Variants in NHP2 observed in about 807,000 individuals in gnomAD.
The protein encoded by NHP2 is NHP2 ribonucleoprotein, also known as H/ACA ribonucleoprotein complex subunit 2.
A neutral mutation model predicts 16.7 loss-of-function variants in NHP2; 10 were observed. That is an observed-to-expected ratio of 0.60 (90% CI 0.37 to 1.01). NHP2 has a LOEUF of 1.01. NHP2 is among the 50% of genes least tolerant of loss of function. NHP2 has a pLI of 0.01. For missense variants in NHP2, 184 were observed against 198.3 expected (o/e 0.93, Z 0.43); for synonymous variants, 87 against 78.9 (o/e 1.10, Z -0.54).
rs564622783 is a variant in NHP2, at chr5:178,153,070, A to G, written c.230+421T>C. On this transcript the variant is annotated intron_variant, in intron 2 of 3. Coordinates refer to ENST00000274606, the MANE Select transcript of NHP2 (RefSeq NM_017838.4). ...ACCACCGCACTCCAACCTGGGTGAG[A>G]GCTAGACCCATCTCAAAAACAAACA... Among the ~76,000 whole-genome samples, 5 of 152,352 alleles carry G rather than the reference A, an allele frequency of 3.3e-5. No homozygotes were observed. In the East Asian group the frequency reaches 9.6e-4, roughly 29 times the overall value.
chr5:178,153,260 AG>A (rs1209252815), intron 2 of NHP2: 3 of 615,722 alleles, frequency 4.9e-6, no homozygotes, highest in Non-Finnish European at 8.9e-6. Context: ...GTTTACTCTA[AG>A]GGACTTTGCT....
chr5:178,153,614 T>C (rs1404106951), intron 1 of NHP2, 44 bp downstream of exon 1: 5 of 1,606,948 alleles, frequency 3.1e-6, no homozygotes, highest in Non-Finnish European at 4.3e-6. Flanking sequence ...CGCGCACCCA[T>C]CCCACCCGCG....
chr5:178,149,955 A>G (rs2113463907), intron 3 of NHP2, 117 bp from the exon 4 acceptor site: 2 of 1,133,402 alleles, frequency 1.8e-6, no homozygotes, highest in East Asian at 2.4e-5. Context: ...TGTTCGGTCC[A>G]TGTTCTATTT....
intron 3 of NHP2, chr5:178,150,300 A>G: frequency 4.5e-6 from 1 of 223,430 alleles, no homozygotes; most frequent in South Asian, 6.0e-5. Flanking sequence ...CATCAGGCCA[A>G]ACGGTAAGTT....
At chr5:178,151,875 G>A (rs1255184373) in intron 2 of NHP2, among the ~76,000 whole-genome samples, 4 of 151,948 alleles carry the variant, frequency 2.6e-5, no homozygotes, top group East Asian at 1.9e-4. Flanking sequence ...GGTGTGGGGC[G>A]GGGTGGAAGT....
chr5:178,152,235 C>T (rs1302396545), intron 2 of NHP2, among the ~76,000 whole-genome samples: 1 of 152,116 alleles, frequency 6.6e-6, no homozygotes, highest in Non-Finnish European at 1.5e-5. Flanking sequence ...TGGCTTTAAC[C>T]CCTAATAGCC....
chr5:178,149,892 AG>A, intron 3 of NHP2, 54 bp from the exon 4 acceptor site: 1 of 1,599,666 alleles, frequency 6.3e-7, no homozygotes, highest in South Asian at 1.1e-5. Context: ...CCTGTATGCC[AG>A]GAAGTCACCA....
chr5:178,153,131 G>T, intron 2 of NHP2: 1 of 386,440 alleles, frequency 2.6e-6, no homozygotes. Context: ...ATACAGAGCC[G>T]GAGAGGGGTC....
chr5:178,150,146 A>G (rs1031049734), intron 3 of NHP2: 2 of 299,298 alleles, frequency 6.7e-6, no homozygotes, highest in East Asian at 1.7e-4. Context: ...GTTACGTAAG[A>G]TAAGGACAGC....
intron 2 of NHP2, among the ~76,000 whole-genome samples, chr5:178,151,340 T>G (rs1236035274): frequency 6.6e-6 from 1 of 151,840 alleles, no homozygotes; most frequent in Non-Finnish European, 1.5e-5. Flanking sequence ...GGTGTGAGAA[T>G]CAGAACGGCA....
rs190607330 is a variant in NHP2, at chr5:178,149,913, C to T, written c.337-75G>A. The T allele has an allele frequency of 7.4e-4, 1,129 of 1,535,072 alleles. 1 individual carries two copies. The highest frequency in any genetic ancestry group is 9.2e-4 in the Non-Finnish European group (1,033 of 1,118,942). The stretch of plus-strand genomic sequence containing the variant: ...TGCCAGGAAGTCACCAACTGATGAC[C>T]CACCAGCCTAATCTGGCCCACAACC... On this transcript the variant is annotated intron_variant, in intron 3 of 3. Transcript: ENST00000274606.
At chr5:178,149,960 C>G (rs1756223505) in intron 3 of NHP2, 122 bp from the exon 4 acceptor site, 1 of 1,093,574 alleles carries the variant, frequency 9.1e-7, no homozygotes, top group Non-Finnish European at 1.3e-6. Flanking sequence ...GGTCCATGTT[C>G]TATTTAAAAG....
intron 3 of NHP2, 117 bp downstream of exon 3, chr5:178,150,771 C>G: frequency 3.8e-6 from 3 of 789,254 alleles, no homozygotes; most frequent in Non-Finnish European, 7.0e-6. Context: ...AGCTGAGAAT[C>G]CATCCAGGCC....
At position 178,153,759 on chromosome 5, in the gene NHP2, C is replaced by T; in HGVS notation, c.59G>A (p.Gly20Glu). The T allele has an allele frequency of 6.2e-7, 1 of 1,613,112 alleles. No homozygotes were observed. Among genetic ancestry groups the T allele is most frequent in the Non-Finnish European group, 8.5e-7 (1 of 1,179,538 alleles). The change falls in exon 1 of 4, where the codon GGG becomes GAG. Residue 20 changes from glycine (G) to glutamate (E), a missense_variant. Gly to Glu is a moderately conservative substitution (Grantham distance 98, BLOSUM62 -2). Coordinates refer to ENST00000274606, the MANE Select transcript of NHP2 (RefSeq NM_017838.4). ...CAGCAGCTCCTGGTAGGTGCGCTCC[C>T]CGGAACACGCCTCCGCCTGAGCCTC... ...GPEAQAEACS[G>E]ERTYQELLVN...
At position 178,149,857 on chromosome 5, in the gene NHP2, T is replaced by G; in HGVS notation, c.337-19A>C. On this transcript the variant is annotated intron_variant, in intron 3 of 3. Transcript: ENST00000274606. ...CCAGGTCCTACAGAGGGGAAAGAAG[T>G]GCTGTTTGGAAAAAAGCTGTACAAC... is the stretch of plus-strand genomic sequence containing the variant. 2 of 1,612,160 alleles carry G rather than the reference T, an allele frequency of 1.2e-6. No individual in the cohort carries two copies. Among genetic ancestry groups the G allele is most frequent in the Non-Finnish European group, 1.7e-6 (2 of 1,179,036 alleles).
Position 178,153,642 on chromosome 5 carries a change from C to A in NHP2, c.160+16G>T, listed in dbSNP as rs41285577. 1 of 1,613,782 alleles carries A rather than the reference C, an allele frequency of 6.2e-7. No individual in the cohort carries two copies. The highest frequency in any genetic ancestry group is 2.2e-5 in the East Asian group (1 of 44,870). On this transcript the variant is annotated intron_variant, in intron 1 of 3. Coordinates refer to ENST00000274606, the MANE Select transcript of NHP2 (RefSeq NM_017838.4). ...CACCCGCGCACCCATCCCGGCCACG[C>A]CGCCGTCCGCCTCACCTTTCTTGAT... is the stretch of plus-strand genomic sequence containing the variant.
chr5:178,151,167 G>A (rs537680413), intron 2 of NHP2, among the ~76,000 whole-genome samples, 174 bp from the exon 3 acceptor site: 34 of 152,328 alleles, frequency 2.2e-4, no homozygotes, highest in African/African-American at 7.9e-4. Context: ...GTGATGTAGT[G>A]CTCGGACAGG....
In NHP2 at chr5:178,153,776, C is replaced by T. The variant is rs1756336106; in HGVS notation, c.42G>A (p.Gln14=). 4 of 1,612,690 alleles carry T rather than the reference C, an allele frequency of 2.5e-6. No individual in the cohort carries two copies. Among genetic ancestry groups the T allele is most frequent in the South Asian group, 1.1e-5 (1 of 90,956 alleles). The change falls in exon 1 of 4, where the codon CAG becomes CAA. Residue 14 remains glutamine (Q), a synonymous_variant. Transcript: ENST00000274606. The part of the protein sequence containing the change: ...IKADPDGPEA[Q]AEACSGERTY... ...TGCGCTCCCCGGAACACGCCTCCGC[C>T]TGAGCCTCGGGCCCGTCGGGATCTG...
At chr5:178,152,683 T>C (rs1756305852) in intron 2 of NHP2, among the ~76,000 whole-genome samples, 1 of 152,122 alleles carries the variant, frequency 6.6e-6, no homozygotes, top group Non-Finnish European at 1.5e-5. Context: ...TCTGTTATTT[T>C]CCTTCATGGC....
Sources: allele counts gnomAD v4.1 joint callset (sites outside exome capture counted in the v4.1 genomes callset), GRCh38; gene constraint gnomAD v4.1.1; transcripts MANE v1.5; gene names NCBI Gene and HGNC (gene_info 2026-07-23, HGNC 2026-07-21).